Variants in OR9Q1 observed in about 807,000 individuals in gnomAD.
The protein encoded by OR9Q1 is olfactory receptor 9Q1.
For missense variants in OR9Q1, 374 were observed against 378.8 expected (o/e 0.99, Z 0.11); for synonymous variants, 153 against 148.6 (o/e 1.03, Z -0.22).
At chr11:58,119,852 CT>C (rs1340493501) in intron 2 of OR9Q1, among the ~76,000 whole-genome samples, 2 of 152,094 alleles carry the variant, frequency 1.3e-5, no homozygotes, top group Non-Finnish European at 2.9e-5. Flanking sequence ...TGTTGATTCT[CT>C]TTTTGGACCT....
chr11:58,145,717 A>G (rs1389265944), intron 2 of OR9Q1, among the ~76,000 whole-genome samples: 4 of 152,222 alleles, frequency 2.6e-5, no homozygotes, highest in Non-Finnish European at 5.9e-5. Flanking sequence ...ATAACATGCT[A>G]CAAAATATAG....
At chr11:58,060,566 T>C (rs568181041) in intron 2 of OR9Q1, among the ~76,000 whole-genome samples, 1 of 152,218 alleles carries the variant, frequency 6.6e-6, no homozygotes, top group African/African-American at 2.4e-5. Context: ...TGGGTGCCCA[T>C]ATGATGTATT....
chr11:58,071,776 G>C (rs1853490090), intron 2 of OR9Q1, among the ~76,000 whole-genome samples: 1 of 152,186 alleles, frequency 6.6e-6, no homozygotes, highest in Non-Finnish European at 1.5e-5. Flanking sequence ...AGATTCACTA[G>C]TGGCAATGTA....
chr11:58,038,318 A>G (rs1486792082), intron 1 of OR9Q1, among the ~76,000 whole-genome samples: 3 of 152,218 alleles, frequency 2.0e-5, no homozygotes, highest in Non-Finnish European at 4.4e-5. Flanking sequence ...TCAATCTGCA[A>G]TGAGATAAGC....
At chr11:58,037,683 ATATATATTTTTTTTTTT>A (rs1853117544) in intron 1 of OR9Q1, among the ~76,000 whole-genome samples, 2 of 8,950 alleles carry the variant, frequency 2.2e-4, no homozygotes, top group Non-Finnish European at 4.8e-4. Flanking sequence ...ATATATATAT[ATATATATTTTTTTTTTT>A]TTTTTTTTTT....
chr11:58,076,283 T>C (rs778570079), intron 2 of OR9Q1, among the ~76,000 whole-genome samples: 1 of 152,226 alleles, frequency 6.6e-6, no homozygotes, highest in Non-Finnish European at 1.5e-5. Context: ...TATCTGCTCA[T>C]GGTCTTTCAT....
chr11:58,049,657 G>T (rs1264032011), intron 1 of OR9Q1, among the ~76,000 whole-genome samples: 2 of 88,398 alleles, frequency 2.3e-5, no homozygotes, highest in African/African-American at 5.1e-5. Context: ...AAGTCAAATT[G>T]TCCCTGTTTG....
intron 2 of OR9Q1, among the ~76,000 whole-genome samples, chr11:58,058,967 A>T (rs968356822): frequency 6.6e-5 from 10 of 152,184 alleles, no homozygotes; most frequent in Non-Finnish European, 1.2e-4. Context: ...GGGGAAAGGA[A>T]CAGAGCTGTA....
rs141876179 is a variant in OR9Q1, at chr11:58,179,612, C to G, written c.168C>G (p.His56Gln). The G allele has an allele frequency of 4.5e-3, 7,266 of 1,613,292 alleles. 35 individuals carry two copies. Among genetic ancestry groups the G allele is most frequent in the Non-Finnish European group, 5.1e-3 (6,045 of 1,179,442 alleles). ...TGATCCTCATGGATCACCAGCTCCA[C>G]GCTCCAATGTATTTCCTTCTGAGTC... ...IILILMDHQLHAPMYFLLSHL... is the reference protein window; with the variant it reads ...IILILMDHQLQAPMYFLLSHL... The change falls in exon 3 of 3, where the codon CAC becomes CAG. Residue 56 changes from histidine to glutamine, a missense_variant. Transcript: ENST00000335397.
intron 1 of OR9Q1, chr11:58,031,941 A>G: frequency 7.8e-7 from 1 of 1,283,930 alleles, no homozygotes; most frequent in Admixed American, 1.9e-5. Context: ...CTTGCCTTGG[A>G]TATTTAAAAA....
At chr11:58,136,129 T>C (rs577776686) in intron 2 of OR9Q1, among the ~76,000 whole-genome samples, 1 of 152,290 alleles carries the variant, frequency 6.6e-6, no homozygotes, top group Non-Finnish European at 1.5e-5. Context: ...CCTTAGCTTT[T>C]GGATAACCTA....
chr11:58,142,995 C>T (rs1368515148), intron 2 of OR9Q1, among the ~76,000 whole-genome samples: 1 of 152,092 alleles, frequency 6.6e-6, no homozygotes, highest in Admixed American at 6.6e-5. Flanking sequence ...CTATAGAGGT[C>T]CTAACAGTGT....
At chr11:58,111,508 T>C (rs2120110569) in intron 2 of OR9Q1, among the ~76,000 whole-genome samples, 1 of 152,328 alleles carries the variant, frequency 6.6e-6, no homozygotes, top group East Asian at 1.9e-4. Flanking sequence ...TCTGTTGAAA[T>C]AGAAAAATTA....
At chr11:58,045,807 C>T (rs1006248371) in intron 1 of OR9Q1, among the ~76,000 whole-genome samples, 1 of 152,192 alleles carries the variant, frequency 6.6e-6, no homozygotes, top group East Asian at 1.9e-4. Flanking sequence ...AGCCTCAGCA[C>T]CACTCTAGGG....
At chr11:58,086,801 A>G (rs986765901) in intron 2 of OR9Q1, among the ~76,000 whole-genome samples, 5 of 151,902 alleles carry the variant, frequency 3.3e-5, no homozygotes, top group African/African-American at 1.2e-4. Context: ...TAAAAAGGTA[A>G]AATTCATAGA....
intron 2 of OR9Q1, among the ~76,000 whole-genome samples, chr11:58,179,012 A>AGAG (rs1854633335): frequency 1.2e-3 from 154 of 132,464 alleles, no homozygotes; most frequent in African/African-American, 4.1e-3. Flanking sequence ...GAAAGAAAGA[A>AGAG]AGAGAGAGAG....
intron 2 of OR9Q1, among the ~76,000 whole-genome samples, chr11:58,092,195 A>G (rs572675128): frequency 6.6e-6 from 1 of 152,228 alleles, no homozygotes; most frequent in African/African-American, 2.4e-5. Flanking sequence ...TCATGATGCT[A>G]GCTGGTTATT....
intron 2 of OR9Q1, among the ~76,000 whole-genome samples, chr11:58,167,665 C>G (rs1027673793): frequency 1.3e-5 from 2 of 152,142 alleles, no homozygotes; most frequent in African/African-American, 4.8e-5. Context: ...CAGGTTGGGG[C>G]TTGGCAAGGT....
intron 2 of OR9Q1, among the ~76,000 whole-genome samples, chr11:58,095,223 C>T (rs1326022872): frequency 1.3e-5 from 2 of 152,188 alleles, no homozygotes; most frequent in South Asian, 2.1e-4. Flanking sequence ...TAAAAGCCTG[C>T]CAATGGAAAA....
Sources: gnomAD v4.1 joint callset for allele counts (sites outside exome capture counted in the v4.1 genomes callset) on GRCh38, gnomAD v4.1.1 for gene constraint, MANE v1.5 for transcripts, NCBI Gene and HGNC (gene_info 2026-07-23, HGNC 2026-07-21) for gene names.